Variants in TMEM41B observed in about 807,000 individuals in gnomAD.
The protein encoded by TMEM41B is protein stasimon.
Under a neutral mutation model 31.9 loss-of-function variants are expected in TMEM41B, and 18 were observed. The observed-to-expected ratio is 0.56, with a 90% CI of 0.39 to 0.84. The LOEUF (loss-of-function observed/expected upper bound fraction) is 0.84. TMEM41B is among the 40% of genes least tolerant of loss of function. The probability of loss-of-function intolerance (pLI) is 0.00; values close to 1 mark genes in which losing one functional copy is unlikely to be tolerated. For synonymous variants in TMEM41B, 144 were observed against 124.3 expected, an observed-to-expected ratio of 1.16 and a Z score of -1.05; for missense variants, 322 against 348.0, an observed-to-expected ratio of 0.93 and a Z score of 0.59.
At chr11:9,300,751 G>A (rs1388030135) in intron 1 of TMEM41B, among the ~76,000 whole-genome samples, 3 of 151,854 alleles carry the variant, frequency 2.0e-5, no homozygotes, top group African/African-American at 7.3e-5. Flanking sequence ...GGTGGCAGGC[G>A]CCTGTAGTCC....
rs1052574750 is a variant in TMEM41B, at chr11:9,282,516, C to T, written c.*908G>A. On this transcript the variant is annotated 3_prime_UTR_variant, in exon 7 of 7. Transcript: ENST00000528080. Reference sequence around the variant, plus strand: ...CCAGAACTTTAAATTTCAGACTAATCCATGATAAAAATCTAGATGATAAAA... The same window carrying T: ...CCAGAACTTTAAATTTCAGACTAATTCATGATAAAAATCTAGATGATAAAA... 11 of 152,010 alleles carry T rather than the reference C, an allele frequency of 7.2e-5. No homozygotes were observed. Among genetic ancestry groups the T allele is most frequent in the Admixed American group, 1.3e-4 (2 of 15,236 alleles). 9.4% of individuals were successfully genotyped at this position (152,010 alleles called of 1,614,324 possible).
Position 9,293,016 on chromosome 11 carries a change from T to C in TMEM41B, c.368+2243A>G, listed in dbSNP as rs539939235. Among the ~76,000 whole-genome samples, 13 of 152,338 alleles carry C rather than the reference T, an allele frequency of 8.5e-5. No homozygotes were observed. The East Asian group carries it at 2.1e-3, about 25-fold the overall frequency. On this transcript the variant is annotated intron_variant, in intron 3 of 6. Coordinates refer to ENST00000528080, the MANE Select transcript of TMEM41B (RefSeq NM_015012.4). ...TTTTTTCATTTTGATTTTGTAATTA[T>C]GTAAAACATTTACTTGGTTCTCAAG...
chr11:9,283,279 T>C lies in TMEM41B; in HGVS notation c.*145A>G. 4 of 636,870 alleles carry C rather than the reference T, an allele frequency of 6.3e-6. No homozygotes were observed. Among genetic ancestry groups the C allele is most frequent in the Non-Finnish European group, 1.0e-5 (4 of 386,550 alleles). The allele number at this position is 636,870 out of a possible 1,614,324, so 39.5% of individuals were successfully genotyped here. ...CTTTCTTCTCCCCTTGTCACTTAAA[T>C]GTATTACTTTAACTATCTGATAGGA... is the stretch of plus-strand genomic sequence containing the variant. On this transcript the variant is annotated 3_prime_UTR_variant, in exon 7 of 7. Coordinates refer to ENST00000528080, the MANE Select transcript of TMEM41B (RefSeq NM_015012.4).
chr11:9,305,721 A>G (rs1393695758), intron 1 of TMEM41B, among the ~76,000 whole-genome samples: 1 of 152,202 alleles, frequency 6.6e-6, no homozygotes, highest in East Asian at 1.9e-4. Context: ...GCCCCAGCCC[A>G]GTTTTAACTT....
intron 1 of TMEM41B, among the ~76,000 whole-genome samples, chr11:9,313,970 G>C (rs1347916055): frequency 6.6e-6 from 1 of 152,110 alleles, no homozygotes; most frequent in Non-Finnish European, 1.5e-5. Flanking sequence ...CTGGGCCTCA[G>C]TTTCTTCATC....
intron 2 of TMEM41B, 118 bp downstream of exon 2, chr11:9,299,466 A>G: frequency 1.5e-6 from 1 of 684,086 alleles, no homozygotes; most frequent in African/African-American, 1.8e-5. Flanking sequence ...CAACCAATCC[A>G]CCCACCTCGG....
At chr11:9,311,737 A>C (rs1853566988) in intron 1 of TMEM41B, 2 of 689,608 alleles carry the variant, frequency 2.9e-6, no homozygotes, top group African/African-American at 3.6e-5. Flanking sequence ...GGCTTGATGC[A>C]TTCTCAAGAG....
intron 2 of TMEM41B, among the ~76,000 whole-genome samples, chr11:9,297,227 G>GGC (rs1853118791): frequency 6.6e-6 from 1 of 152,170 alleles, no homozygotes; most frequent in African/African-American, 2.4e-5. Context: ...TGGGACTACG[G>GGC]GCGCCCGCCA....
intron 5 of TMEM41B, among the ~76,000 whole-genome samples, 173 bp downstream of exon 5, chr11:9,287,529 A>G (rs1365648116): frequency 2.6e-5 from 4 of 152,188 alleles, no homozygotes; most frequent in Admixed American, 6.6e-5. Flanking sequence ...ATTAACATTC[A>G]TATTTGCCTA....
At chr11:9,314,229 C>A (rs902787773) in intron 1 of TMEM41B, 92 bp downstream of exon 1, 2 of 1,420,816 alleles carry the variant, frequency 1.4e-6, no homozygotes, top group Admixed American at 5.1e-5. Flanking sequence ...CCTCTTTCCC[C>A]GCGACTCTCC....
At chr11:9,309,886 G>A (rs957307782) in intron 1 of TMEM41B, among the ~76,000 whole-genome samples, 1 of 148,144 alleles carries the variant, frequency 6.8e-6, no homozygotes, top group African/African-American at 2.5e-5. Context: ...TCGCACCACT[G>A]CACTCCAGCC....
At position 9,283,540 on chromosome 11, in the gene TMEM41B, G is replaced by A. The variant is rs1221279998; in HGVS notation, c.760C>T (p.Leu254Phe). Residue 254 changes from leucine to phenylalanine, a missense_variant, in exon 7 of 7, where the codon CTT (leucine) becomes TTT (phenylalanine). Leu to Phe is a conservative substitution (Grantham distance 22). Coordinates refer to ENST00000528080, the MANE Select transcript of TMEM41B (RefSeq NM_015012.4). ...GAAACAGCTTCTCCTGCTGTTGTAA[G>A]TTGATACAGTGTTGTTCCTGCCTTA... ...AIKAGTTLYQ[L>F]TTAGEAVSWN... The A allele has an allele frequency of 7.4e-6, 12 of 1,613,460 alleles. No homozygotes were observed. In the East Asian group the frequency reaches 2.7e-4, roughly 36 times the overall value.
intron 2 of TMEM41B, among the ~76,000 whole-genome samples, chr11:9,298,063 C>CA (rs34802416): frequency 2.4e-4 from 20 of 83,908 alleles, no homozygotes; most frequent in African/African-American, 8.2e-4. Flanking sequence ...GACCCTGCCT[C>CA]AAAAAAAAAA....
intron 2 of TMEM41B, among the ~76,000 whole-genome samples, chr11:9,299,299 A>AAAAG (rs1853181641): frequency 1.2e-5 from 1 of 80,066 alleles, no homozygotes; most frequent in African/African-American, 4.1e-5. Context: ...AAAAAAAAAA[A>AAAAG]AAAAAAGAAA....
In TMEM41B at chr11:9,284,807, T is replaced by C. The variant is rs552526827; in HGVS notation, c.707-1214A>G. Reference sequence around the variant, plus strand: ...AAGAAACGTGCTCTGTTCTAGCAATTTCAAGGTCAAGATACTCAAAGTGTG... The same window carrying C: ...AAGAAACGTGCTCTGTTCTAGCAATCTCAAGGTCAAGATACTCAAAGTGTG... On this transcript the variant is annotated intron_variant, in intron 6 of 6. Transcript: ENST00000528080. 5.9e-5 allele frequency among the ~76,000 whole-genome samples: 9 copies of C among 151,856 alleles called. No individual in the cohort carries two copies. The South Asian group carries it at 1.9e-3, about 32-fold the overall frequency.
rs200189733 is a variant in TMEM41B, at chr11:9,283,632, C to A, written c.707-39G>T. On this transcript the variant is annotated intron_variant, in intron 6 of 6. Transcript: ENST00000528080. ...TAAAAAGATACAGTAAAAACCACCG[C>A]AATTGTTTTTAAAAAATTAAAATGT... 4.2e-4 allele frequency: 646 copies of A among 1,541,652 alleles called. 2 individuals carry two copies. In the African/African-American group the frequency reaches 8.4e-3, roughly 20 times the overall value.
At chr11:9,299,325 T>TAC (rs139794462) in intron 2 of TMEM41B, among the ~76,000 whole-genome samples, 2,021 of 123,134 alleles carry the variant, frequency 0.016, 62 homozygotes, top group African/African-American at 0.054. Flanking sequence ...TATACATACA[T>TAC]ACACACACAC....
Position 9,314,502 on chromosome 11 carries a change from T to G in TMEM41B, c.-61A>C. 1 of 1,498,882 alleles carries G rather than the reference T, an allele frequency of 6.7e-7. No individual in the cohort carries two copies. The highest frequency in any genetic ancestry group is 8.9e-7 in the Non-Finnish European group (1 of 1,119,136). The allele number at this position is 1,498,882 out of a possible 1,614,324, so 92.8% of individuals were successfully genotyped here. A position where few individuals can be genotyped will look rare whatever the true frequency, so the allele number is the denominator to read the frequency against. On this transcript the variant is annotated 5_prime_UTR_variant, in exon 1 of 7. Coordinates refer to ENST00000528080, the MANE Select transcript of TMEM41B (RefSeq NM_015012.4). The stretch of plus-strand genomic sequence containing the variant: ...CGCCCCCTAAACAACAAAACTCTGT[T>G]GCAGGCTCCTTACTACGCCGAAGCG...
intron 1 of TMEM41B, chr11:9,311,580 G>A: frequency 1.9e-6 from 2 of 1,069,382 alleles, no homozygotes; most frequent in Non-Finnish European, 2.7e-6. Flanking sequence ...GGGGCCTGGG[G>A]GAAAGGGTGG....
Sources: gnomAD v4.1 joint callset for allele counts (sites outside exome capture counted in the v4.1 genomes callset) on GRCh38, gnomAD v4.1.1 for gene constraint, MANE v1.5 for transcripts, NCBI Gene and HGNC (gene_info 2026-07-23, HGNC 2026-07-21) for gene names.